The following PPP2R5C variants were observed in gnomAD, a reference collection of about 807,000 sequenced individuals.
PPP2R5C encodes protein phosphatase 2 regulatory subunit B'gamma.
In PPP2R5C, 7 loss-of-function variants were observed where a neutral mutation model predicts 68.9. The ratio of observed to expected loss-of-function variants is 0.10; its 90% CI spans 0.06 to 0.19. PPP2R5C has a LOEUF of 0.19. Among genes scored for constraint, PPP2R5C ranks in the 10% least tolerant of loss-of-function variants. The probability of loss-of-function intolerance (pLI) is 1.00; values close to 1 mark genes in which losing one functional copy is unlikely to be tolerated. For missense variants in PPP2R5C, 348 were observed against 641.3 expected (o/e 0.54, Z 4.94); for synonymous variants, 210 against 222.2 (o/e 0.95, Z 0.49).
intron 3 of PPP2R5C, among the ~76,000 whole-genome samples, chr14:101,801,062 G>C (rs1427892508): frequency 6.6e-6 from 1 of 152,202 alleles, no homozygotes; most frequent in South Asian, 2.1e-4. Flanking sequence ...GGTTACCAGA[G>C]GCTGGGAAGG....
At chr14:101,912,980 C>G (rs2046475049) in intron 12 of PPP2R5C, among the ~76,000 whole-genome samples, 1 of 152,230 alleles carries the variant, frequency 6.6e-6, no homozygotes, top group African/African-American at 2.4e-5. Flanking sequence ...AACCCTCCTT[C>G]CCACCCCAGC....
intron 2 of PPP2R5C, among the ~76,000 whole-genome samples, chr14:101,769,841 C>T (rs779149616): frequency 1.3e-5 from 2 of 152,124 alleles, no homozygotes; most frequent in Non-Finnish European, 2.9e-5. Flanking sequence ...AGTTATGCAT[C>T]ACTTAATGAG....
At chr14:101,819,215 G>A (rs912744006) in intron 1 of PPP2R5C, 1 of 771,852 alleles carries the variant, frequency 1.3e-6, no homozygotes, top group Non-Finnish European at 2.1e-6. Context: ...CTTCTCAAAG[G>A]GGGGTAGCAC....
rs1176948924 is a variant in PPP2R5C at position 101,816,899 on chromosome 14, A to AAT, written c.94+6873_94+6874dup. On this transcript the variant is annotated intron_variant, in intron 1 of 13. Coordinates refer to ENST00000334743, the Ensembl canonical transcript of PPP2R5C. The stretch of plus-strand genomic sequence containing the variant: ...ATATATATTATATATATATTATATA[A>AAT]ATATATATATAATATATATATTTAT... Among the ~76,000 whole-genome samples the AAT allele has an allele frequency of 2.0e-4, 25 of 127,110 alleles. No individual in the cohort carries two copies. The East Asian group carries it at 2.1e-3, about 11-fold the overall frequency. 83.4% of individuals were successfully genotyped at this position (127,110 alleles called of 152,430 possible).
intron 2 of PPP2R5C, among the ~76,000 whole-genome samples, chr14:101,861,654 G>A (rs1043858072): frequency 1.3e-5 from 2 of 152,202 alleles, no homozygotes; most frequent in South Asian, 2.1e-4. Flanking sequence ...GATGAAATGT[G>A]AAGGTTTCAT....
chr14:101,893,879 C>G (rs758018027), intron 7 of PPP2R5C, among the ~76,000 whole-genome samples: 4 of 152,226 alleles, frequency 2.6e-5, no homozygotes, highest in Non-Finnish European at 5.9e-5. Context: ...TTGGTTTTCT[C>G]TCACTCTTTG....
intron 2 of PPP2R5C, among the ~76,000 whole-genome samples, chr14:101,859,488 C>T (rs2042629892): frequency 6.6e-6 from 1 of 152,100 alleles, no homozygotes; most frequent in Non-Finnish European, 1.5e-5. Context: ...GTTCAGAAGG[C>T]AACATAGCCT....
exon 12 of PPP2R5C, chr14:101,912,429 G>C (rs766988429): frequency 8.8e-6 from 14 of 1,599,786 alleles, no homozygotes; most frequent in Non-Finnish European, 1.2e-5. Context: ...AGAACGGGAA[G>C]AAGCATGGGT....
intron 1 of PPP2R5C, among the ~76,000 whole-genome samples, chr14:101,853,791 G>A (rs1306754111): frequency 6.6e-6 from 1 of 152,066 alleles, no homozygotes; most frequent in Admixed American, 6.6e-5. Flanking sequence ...ACTGCTGTTA[G>A]GAGGATTTGG....
intron 10 of PPP2R5C, among the ~76,000 whole-genome samples, chr14:101,908,326 A>T (rs1000183906): frequency 2.0e-5 from 3 of 152,232 alleles, no homozygotes. Context: ...TTGTTAATAC[A>T]GCACATCCAC....
chr14:101,895,719 G>A (rs1246999784), intron 8 of PPP2R5C, among the ~76,000 whole-genome samples: 2 of 152,134 alleles, frequency 1.3e-5, no homozygotes, highest in African/African-American at 4.8e-5. Context: ...TGTTTTTTCA[G>A]TGTACACCTG....
chr14:101,851,004 G>A (rs1361048709), intron 1 of PPP2R5C, among the ~76,000 whole-genome samples: 1 of 152,172 alleles, frequency 6.6e-6, no homozygotes, highest in Non-Finnish European at 1.5e-5. Flanking sequence ...AGACAAGATG[G>A]CACCGTCGCT....
chr14:101,773,818 C>A (rs1052024484), intron 2 of PPP2R5C, among the ~76,000 whole-genome samples: 4 of 152,172 alleles, frequency 2.6e-5, no homozygotes, highest in African/African-American at 9.7e-5. Context: ...CCTCAGCCTC[C>A]CAAGTGGCTG....
At chr14:101,921,262 A>C (rs730573) in intron 13 of PPP2R5C, 33,241 of 184,832 alleles carry the variant, frequency 0.18, 4,932 homozygotes, top group African/African-American at 0.43. Flanking sequence ...TGGAGTTTTA[A>C]CATGTTGGCT....
chr14:101,856,641 G>T lies in PPP2R5C; in HGVS notation c.95-45G>T, dbSNP rs751706552. Reference sequence around the variant, plus strand: ...TAAATGTGTTTCACAATAACTTTGGGTTAAGCACTTTTGTGATCAATATAC... The same window carrying T: ...TAAATGTGTTTCACAATAACTTTGGTTTAAGCACTTTTGTGATCAATATAC... On this transcript the variant is annotated intron_variant, in intron 1 of 13. Coordinates refer to ENST00000334743, the Ensembl canonical transcript of PPP2R5C. 23 of 1,534,104 alleles carry T rather than the reference G, an allele frequency of 1.5e-5. 1 individual carries two copies. The Middle Eastern group carries it at 6.7e-4, about 45-fold the overall frequency.
chr14:101,771,970 G>A (rs911908503), intron 2 of PPP2R5C, among the ~76,000 whole-genome samples: 1 of 151,922 alleles, frequency 6.6e-6, no homozygotes, highest in African/African-American at 2.4e-5. Context: ...TCAGTTGCAC[G>A]GGCCACATTT....
chr14:101,809,750 C>T (rs1566856307), upstream of PPP2R5C: 1 of 1,218,052 alleles, frequency 8.2e-7, no homozygotes, highest in African/African-American at 1.6e-5. Context: ...ACGCTCTTTC[C>T]GTTTGCAGTT....
intron 1 of PPP2R5C, among the ~76,000 whole-genome samples, chr14:101,841,356 T>C (rs1253326484): frequency 6.6e-6 from 1 of 152,226 alleles, no homozygotes; most frequent in Non-Finnish European, 1.5e-5. Flanking sequence ...TTGAGTGTTT[T>C]TAGTTTAGCT....
intron 8 of PPP2R5C, 65 bp from the exon 11 acceptor site, chr14:101,901,654 T>G: frequency 6.5e-7 from 1 of 1,544,632 alleles, no homozygotes; most frequent in East Asian, 2.2e-5. Context: ...AAACACAGAC[T>G]TCTTACCATG....
Sources: allele counts gnomAD v4.1 joint callset (sites outside exome capture counted in the v4.1 genomes callset), GRCh38; gene constraint gnomAD v4.1.1; transcripts MANE v1.5; gene names NCBI Gene and HGNC (gene_info 2026-07-23, HGNC 2026-07-21).